Variants in ITGA11 observed in about 807,000 individuals in gnomAD.
ITGA11 encodes integrin alpha-11.
ITGA11 carries 97 observed loss-of-function variants against 141.9 expected under a neutral mutation model. The ratio of observed to expected loss-of-function variants is 0.68; its 90% CI spans 0.58 to 0.81. ITGA11 has a LOEUF of 0.81. ITGA11 is among the 30% of genes least tolerant of loss of function. ITGA11 has a pLI of 0.00. For synonymous variants in ITGA11, 658 were observed against 624.6 expected (o/e 1.05, Z -0.80); for missense variants, 1,387 against 1,559.2 (o/e 0.89, Z 1.86).
At chr15:68,387,209 C>T (rs1595887099) in intron 2 of ITGA11, among the ~76,000 whole-genome samples, 2 of 152,166 alleles carry the variant, frequency 1.3e-5, no homozygotes, top group Admixed American at 6.5e-5. Flanking sequence ...GTGAGCAGAT[C>T]GCCTCAAAAA....
At chr15:68,391,853 AATTC>A (rs1896129500) in intron 2 of ITGA11, among the ~76,000 whole-genome samples, 1 of 152,234 alleles carries the variant, frequency 6.6e-6, no homozygotes, top group Non-Finnish European at 1.5e-5. Context: ...AGTCTAGTAA[AATTC>A]ATTAACAGAT....
In ITGA11 at chr15:68,369,802, G is replaced by A. The variant is rs573459306; in HGVS notation, c.165-518C>T. 3.8e-3 allele frequency among the ~76,000 whole-genome samples: 585 copies of A among 152,362 alleles called. 24 individuals carry two copies. The East Asian group carries it at 0.097, about 25-fold the overall frequency. On this transcript the variant is annotated intron_variant, in intron 2 of 29. Coordinates refer to ENST00000315757, the MANE Select transcript of ITGA11 (RefSeq NM_001004439.2). ...TCAGGGTGGACAAGGCAGCCAGTGG[G>A]CGGAAGCTGCCATGCAGCTGGGGCT...
intron 11 of ITGA11, among the ~76,000 whole-genome samples, chr15:68,337,672 G>T (rs1362762151): frequency 6.6e-6 from 1 of 152,140 alleles, no homozygotes; most frequent in Non-Finnish European, 1.5e-5. Context: ...GGCTTTGCTG[G>T]GCCAGGGGGA....
chr15:68,352,104 A>G (rs1266901773), intron 7 of ITGA11, among the ~76,000 whole-genome samples: 2 of 148,816 alleles, frequency 1.3e-5, no homozygotes, highest in South Asian at 2.2e-4. Flanking sequence ...AAACAACCAA[A>G]CAAACAAACA....
chr15:68,345,506 G>T (rs1200242258), intron 10 of ITGA11, among the ~76,000 whole-genome samples: 1 of 152,188 alleles, frequency 6.6e-6, no homozygotes, highest in Non-Finnish European at 1.5e-5. Context: ...CTAATTCAAA[G>T]ACTGATTTCC....
At position 68,298,738 on chromosome 15, in the gene ITGA11, A is replaced by T. The variant is rs991631261; in HGVS notation, c.*4321T>A. The T allele has an allele frequency of 6.6e-6, 1 of 152,166 alleles. No individual in the cohort carries two copies. Among genetic ancestry groups the T allele is most frequent in the East Asian group, 1.9e-4 (1 of 5,202 alleles). The allele number at this position is 152,166 out of a possible 1,614,324, so 9.4% of individuals were successfully genotyped here. On this transcript the variant is annotated 3_prime_UTR_variant, in exon 30 of 30. Transcript: ENST00000315757. ...TTCCTCTAATTTTCCAAATAAAAAA[A>T]TTTTTTGACTCTGACTTGGGCCACC...
intron 1 of ITGA11, among the ~76,000 whole-genome samples, chr15:68,409,716 C>G (rs914216572): frequency 6.6e-6 from 1 of 152,006 alleles, no homozygotes; most frequent in Non-Finnish European, 1.5e-5. Context: ...TACTATGTAC[C>G]AAGCACTATT....
intron 1 of ITGA11, among the ~76,000 whole-genome samples, chr15:68,416,230 T>C (rs1341768229): frequency 2.6e-5 from 4 of 152,174 alleles, no homozygotes; most frequent in African/African-American, 9.7e-5. Flanking sequence ...CAGCTCTATA[T>C]GAGGAAGAAT....
chr15:68,421,211 A>AG (rs1897008749), intron 1 of ITGA11, among the ~76,000 whole-genome samples: 5 of 9,016 alleles, frequency 5.5e-4, no homozygotes, highest in East Asian at 2.6e-3. Context: ...GGGAGGCTGG[A>AG]TACAGCAGCC....
rs1034998425 is a variant in ITGA11 at position 68,300,105 on chromosome 15, T to C, written c.*2954A>G. 3 of 152,258 alleles carry C rather than the reference T, an allele frequency of 2.0e-5. No homozygotes were observed. Among genetic ancestry groups the C allele is most frequent in the African/African-American group, 7.2e-5 (3 of 41,466 alleles). The allele number at this position is 152,258 out of a possible 1,614,324, so 9.4% of individuals were successfully genotyped here. A position where few individuals can be genotyped will look rare whatever the true frequency, so the allele number is the denominator to read the frequency against. ...GAATAGCAGAATATTATAGCTATTA[T>C]GTAATATTAAATCCAGATGGCTGTT... On this transcript the variant is annotated 3_prime_UTR_variant, in exon 30 of 30. Coordinates refer to ENST00000315757, the MANE Select transcript of ITGA11 (RefSeq NM_001004439.2).
intron 2 of ITGA11, among the ~76,000 whole-genome samples, chr15:68,388,358 C>CTT (rs1896034776): frequency 6.6e-6 from 1 of 151,934 alleles, no homozygotes; most frequent in Non-Finnish European, 1.5e-5. Flanking sequence ...CAGATTCTTC[C>CTT]TTTCCCTCAT....
chr15:68,385,894 G>A (rs1476933169), intron 2 of ITGA11, among the ~76,000 whole-genome samples: 2 of 152,126 alleles, frequency 1.3e-5, no homozygotes, highest in Non-Finnish European at 2.9e-5. Flanking sequence ...TCCCAGGCCT[G>A]GGGAGGAGCT....
chr15:68,332,296 T>A, intron 13 of ITGA11, 42 bp downstream of exon 13: 1 of 1,572,624 alleles, frequency 6.4e-7, no homozygotes, highest in Non-Finnish European at 8.6e-7. Flanking sequence ...AAGCAGAGGT[T>A]GGGGGCACCT....
chr15:68,423,789 C>T (rs1186103188), intron 1 of ITGA11, among the ~76,000 whole-genome samples: 1 of 152,148 alleles, frequency 6.6e-6, no homozygotes, highest in Non-Finnish European at 1.5e-5. Flanking sequence ...TCCCACCCCG[C>T]AGGCCGGCCT....
intron 1 of ITGA11, among the ~76,000 whole-genome samples, chr15:68,410,406 T>A (rs1361870236): frequency 6.6e-6 from 1 of 152,184 alleles, no homozygotes; most frequent in African/African-American, 2.4e-5. Context: ...TTCCCAGTTT[T>A]ACTTGGGCCC....
chr15:68,358,629 C>G (rs919731463), intron 5 of ITGA11, 44 bp from the exon 6 acceptor site: 4 of 1,569,880 alleles, frequency 2.5e-6, no homozygotes, highest in Non-Finnish European at 3.5e-6. Context: ...GGAGCAGTGT[C>G]TGCGAGTCTC....
intron 1 of ITGA11, among the ~76,000 whole-genome samples, chr15:68,426,994 G>A (rs1375950635): frequency 2.1e-4 from 28 of 130,780 alleles, no homozygotes; most frequent in African/African-American, 6.9e-4. Flanking sequence ...CAGCCTGGGC[G>A]ACAGAGCAAG....
In ITGA11 at chr15:68,377,515, G is replaced by GC. The variant is rs1306344658; in HGVS notation, c.165-8232dup. On this transcript the variant is annotated intron_variant, in intron 2 of 29. Coordinates refer to ENST00000315757, the MANE Select transcript of ITGA11 (RefSeq NM_001004439.2). Reference sequence around the variant, plus strand: ...TCAAACTCCTGACCTCAGGTGATCTGCCCTCCTCAGCCTCCCAAGGTGCTG... The same window carrying GC: ...TCAAACTCCTGACCTCAGGTGATCTGCCCCTCCTCAGCCTCCCAAGGTGCTG... 4.6e-5 allele frequency among the ~76,000 whole-genome samples: 7 copies of GC among 152,124 alleles called. No homozygotes were observed. The East Asian group carries it at 1.4e-3, about 29-fold the overall frequency.
chr15:68,402,876 G>T, intron 2 of ITGA11, 42 bp downstream of exon 2: 2 of 1,376,648 alleles, frequency 1.5e-6, no homozygotes, highest in Non-Finnish European at 1.0e-6. Flanking sequence ...GGCTGGGTGT[G>T]GAATGGTACA....
Sources: allele counts gnomAD v4.1 joint callset (sites outside exome capture counted in the v4.1 genomes callset), GRCh38; gene constraint gnomAD v4.1.1; transcripts MANE v1.5; gene names NCBI Gene and HGNC (gene_info 2026-07-23, HGNC 2026-07-21).